RFX4: variants seen among roughly 807,000 people sequenced by gnomAD.
RFX4 encodes the protein transcription factor RFX4.
RFX4 carries 10 observed loss-of-function variants against 95.0 expected under a neutral mutation model. The observed-to-expected ratio is 0.11, with a 90% CI of 0.06 to 0.18. The LOEUF (loss-of-function observed/expected upper bound fraction) is 0.18, where lower values mean the gene tolerates loss of function less well. Ranked by LOEUF, RFX4 falls within the 10% of genes least tolerant of loss-of-function variation. The pLI is 1.00. For synonymous variants in RFX4, 321 were observed against 340.7 expected, an observed-to-expected ratio of 0.94 and a Z score of 0.64; for missense variants, 640 against 922.0, an observed-to-expected ratio of 0.69 and a Z score of 3.96.
chr12:106,709,481 C>A, intron 9 of RFX4, 51 bp downstream of exon 9: 4 of 1,403,256 alleles, frequency 2.9e-6, no homozygotes, highest in South Asian at 1.3e-5. Context: ...ATTTTAGTGC[C>A]AAATATTTTA....
intron 2 of RFX4, among the ~76,000 whole-genome samples, chr12:106,633,886 G>T (rs945459952): frequency 7.2e-5 from 11 of 152,192 alleles, no homozygotes; most frequent in Non-Finnish European, 1.5e-4. Context: ...CCAGTTCCTT[G>T]CCTTTGCTCC....
At position 106,583,254 on chromosome 12, in the gene RFX4, C is replaced by T. The variant is rs1165413509; in HGVS notation, c.-67C>T. Reference sequence around the variant, plus strand: ...CCTCCCTCCCTTCCTCCCTGGGCATCTCTAGCACAGGGGATCCCCAAACAT... The same window carrying T: ...CCTCCCTCCCTTCCTCCCTGGGCATTTCTAGCACAGGGGATCCCCAAACAT... On this transcript the variant is annotated 5_prime_UTR_variant, in exon 1 of 18. Coordinates refer to ENST00000392842, the MANE Select transcript of RFX4 (RefSeq NM_213594.3). 6.5e-6 allele frequency: 6 copies of T among 928,666 alleles called. No individual in the cohort carries two copies. Among genetic ancestry groups the T allele is most frequent in the Non-Finnish European group, 7.8e-6 (5 of 640,848 alleles). 57.5% of individuals were successfully genotyped at this position (928,666 alleles called of 1,614,324 possible).
intron 16 of RFX4, 55 bp from the exon 17 acceptor site, chr12:106,750,600 A>T (rs1358577732): frequency 7.3e-7 from 1 of 1,371,510 alleles, no homozygotes; most frequent in Non-Finnish European, 9.5e-7. Context: ...AAAGGTGTCA[A>T]ACTGATCTGT....
chr12:106,589,643 G>A (rs1171172845), intron 1 of RFX4, among the ~76,000 whole-genome samples: 1 of 152,120 alleles, frequency 6.6e-6, no homozygotes. Context: ...TCCCCACCCA[G>A]GCCACATCAC....
chr12:106,633,155 G>T (rs1333261873), intron 2 of RFX4, among the ~76,000 whole-genome samples: 1 of 152,306 alleles, frequency 6.6e-6, no homozygotes, highest in South Asian at 2.1e-4. Flanking sequence ...CAGACCCTGG[G>T]CACAAAGTCA....
rs141635003 is a variant in RFX4 at position 106,690,758 on chromosome 12, C to T, written c.669+1394C>T. Among the ~76,000 whole-genome samples the T allele has an allele frequency of 5.3e-4, 81 of 152,264 alleles. 1 individual carries two copies. The highest frequency in any genetic ancestry group is 1.8e-3 in the African/African-American group (75 of 41,550). On this transcript the variant is annotated intron_variant, in intron 7 of 17. Transcript: ENST00000392842. ...ATATTCCATGGACGGGAGCTGGTCCCACGGCCCCACCTTAATGCAGCGGGG... is the reference window on the plus strand; with the variant it reads ...ATATTCCATGGACGGGAGCTGGTCCTACGGCCCCACCTTAATGCAGCGGGG...
intron 17 of RFX4, among the ~76,000 whole-genome samples, chr12:106,751,723 C>T (rs2043009946): frequency 6.6e-6 from 1 of 152,046 alleles, no homozygotes; most frequent in African/African-American, 2.4e-5. Flanking sequence ...TTTTTGGCTG[C>T]ACAAATGTCT....
At chr12:106,605,066 C>A (rs2039798524) in intron 1 of RFX4, among the ~76,000 whole-genome samples, 2 of 152,070 alleles carry the variant, frequency 1.3e-5, no homozygotes, top group Admixed American at 1.3e-4. Flanking sequence ...TTAATAGCAC[C>A]CACCTCTAGG....
At chr12:106,684,803 A>G (rs1399402349) in intron 5 of RFX4, 2 of 1,550,100 alleles carry the variant, frequency 1.3e-6, no homozygotes, top group Non-Finnish European at 1.7e-6. Flanking sequence ...TCTGATAACC[A>G]TACTGGCAAA....
At chr12:106,671,919 C>T (rs1206346939) in intron 4 of RFX4, among the ~76,000 whole-genome samples, 2 of 152,114 alleles carry the variant, frequency 1.3e-5, no homozygotes, top group African/African-American at 4.8e-5. Flanking sequence ...ACCTCGGCCT[C>T]CCAAAGTGCT....
intron 15 of RFX4, among the ~76,000 whole-genome samples, chr12:106,734,716 CA>C (rs1165323057): frequency 6.6e-6 from 1 of 151,890 alleles, no homozygotes; most frequent in Non-Finnish European, 1.5e-5. Context: ...AGTCTATATC[CA>C]AAGGAATGAA....
rs376043377 is a variant in RFX4 at position 106,639,387 on chromosome 12, G to T, written c.186G>T (p.Leu62=). The T allele has an allele frequency of 1.2e-6, 2 of 1,613,446 alleles. No homozygotes were observed. The highest frequency in any genetic ancestry group is 1.7e-5 in the Admixed American group (1 of 59,944). ...AGCCCCACTCCACTCCTGCTACTCT[G>T]CAATGGTAAGTTTCCATTTTTAGCA... The part of the protein sequence containing the change: ...ASKPHSTPAT[L]QWLEENYEIA... Residue 62 remains leucine, a synonymous_variant, in exon 3 of 18, where the codon CTG becomes CTT. Coordinates refer to ENST00000392842, the MANE Select transcript of RFX4 (RefSeq NM_213594.3).
intron 3 of RFX4, among the ~76,000 whole-genome samples, chr12:106,648,451 G>A (rs1311639713): frequency 6.6e-6 from 1 of 151,888 alleles, no homozygotes; most frequent in Non-Finnish European, 1.5e-5. Context: ...CCGTTGACGG[G>A]TGTAGACTAC....
chr12:106,681,459 C>G (rs1398946032), intron 4 of RFX4, among the ~76,000 whole-genome samples: 1 of 152,208 alleles, frequency 6.6e-6, no homozygotes, highest in Non-Finnish European at 1.5e-5. Flanking sequence ...AAAGAGGAGG[C>G]AGTCTTGTGA....
chr12:106,620,186 T>C (rs2137233546), intron 2 of RFX4, among the ~76,000 whole-genome samples: 1 of 152,368 alleles, frequency 6.6e-6, no homozygotes, highest in Non-Finnish European at 1.5e-5. Context: ...TATCCAATGC[T>C]GGACATTATG....
In RFX4 at chr12:106,761,501, ATAATAATAAT is replaced by A; in HGVS notation, c.*43_*52del. On this transcript the variant is annotated 3_prime_UTR_variant, in exon 18 of 18. Coordinates refer to ENST00000392842, the MANE Select transcript of RFX4 (RefSeq NM_213594.3). Reference sequence around the variant, plus strand: ...TCATAGGCATCCATATTTAATATTAATAATAATAATTAATAATAATAATAAACCCAACACC... The same window carrying A: ...TCATAGGCATCCATATTTAATATTAATAATAATAATAATAAACCCAACACC... 7.6e-7 allele frequency: 1 copy of A among 1,315,240 alleles called. No individual in the cohort carries two copies. The highest frequency in any genetic ancestry group is 9.8e-7 in the Non-Finnish European group (1 of 1,017,234). 81.5% of individuals were successfully genotyped at this position (1,315,240 alleles called of 1,614,324 possible).
chr12:106,670,809 A>T (rs907662873), intron 4 of RFX4, among the ~76,000 whole-genome samples: 8 of 152,286 alleles, frequency 5.3e-5, no homozygotes, highest in African/African-American at 1.9e-4. Context: ...CACCAGCTTT[A>T]ATTATTTTTT....
chr12:106,696,372 C>T lies in RFX4; in HGVS notation c.759C>T (p.Gly253=), dbSNP rs1033788595. 21 of 1,613,978 alleles carry T rather than the reference C, an allele frequency of 1.3e-5. No individual in the cohort carries two copies. The highest frequency in any genetic ancestry group is 1.6e-4 in the Middle Eastern group (1 of 6,084). Residue 253 remains glycine (G), a synonymous_variant, in exon 8 of 18, where the codon GGC becomes GGT. Coordinates refer to ENST00000392842, the MANE Select transcript of RFX4 (RefSeq NM_213594.3). The stretch of plus-strand genomic sequence containing the variant: ...CCTCCACGGTGGTGAACATTGTCGG[C>T]GTGTGTGACTCCATCCTCTACAAAG... The part of the protein sequence containing the change: ...LGSSTVVNIV[G]VCDSILYKAI...
chr12:106,607,077 G>A (rs1346858054), intron 1 of RFX4, among the ~76,000 whole-genome samples: 4 of 152,122 alleles, frequency 2.6e-5, no homozygotes, highest in Admixed American at 6.5e-5. Flanking sequence ...TGTTCAAATA[G>A]GTGTTCAATA....
Sources: gnomAD v4.1 joint callset for allele counts (sites outside exome capture counted in the v4.1 genomes callset) on GRCh38, gnomAD v4.1.1 for gene constraint, MANE v1.5 for transcripts, NCBI Gene and HGNC (gene_info 2026-07-23, HGNC 2026-07-21) for gene names.